MSRA: variants seen among roughly 807,000 people sequenced by gnomAD.
MSRA encodes methionine sulfoxide reductase A, also known as mitochondrial peptide methionine sulfoxide reductase.
Under a neutral mutation model 31.3 loss-of-function variants are expected in MSRA, and 54 were observed. The observed-to-expected ratio is 1.73, with a 90% CI of 1.39 to 2.17. MSRA has a LOEUF of 2.17. Among genes scored for constraint, MSRA ranks in the 30% most tolerant of loss-of-function variants. The probability of loss-of-function intolerance (pLI) is 0.00; values close to 1 mark genes in which losing one functional copy is unlikely to be tolerated. For missense variants in MSRA, 507 were observed against 300.9 expected, an observed-to-expected ratio of 1.69 and a Z score of -5.07; for synonymous variants, 169 against 116.5, an observed-to-expected ratio of 1.45 and a Z score of -2.90.
chr8:10,200,307 CCT>C, intron 1 of MSRA, among the ~76,000 whole-genome samples: 1 of 152,314 alleles, frequency 6.6e-6, no homozygotes, highest in Non-Finnish European at 1.5e-5. Flanking sequence ...GTCCAATTGT[CCT>C]CTGTTTTTCC....
chr8:10,397,961 G>A (rs1182036175), intron 5 of MSRA, among the ~76,000 whole-genome samples: 1 of 152,192 alleles, frequency 6.6e-6, no homozygotes, highest in Non-Finnish European at 1.5e-5. Flanking sequence ...GAAAAGCCTT[G>A]AACTTGGGCT....
intron 3 of MSRA, among the ~76,000 whole-genome samples, chr8:10,290,762 G>C (rs1333685728): frequency 1.3e-5 from 2 of 152,170 alleles, no homozygotes; most frequent in Non-Finnish European, 2.9e-5. Flanking sequence ...GTAGCATCAA[G>C]GAATCATAGT....
At chr8:10,149,412 C>G (rs555565118) in intron 1 of MSRA, among the ~76,000 whole-genome samples, 1 of 152,218 alleles carries the variant, frequency 6.6e-6, no homozygotes, top group Non-Finnish European at 1.5e-5. Flanking sequence ...GCGTGAGCCA[C>G]CGCGCCCGGC....
rs535023320 is a variant in MSRA, at chr8:10,248,773, GC to G, written c.331+3551del. 4.1e-3 allele frequency among the ~76,000 whole-genome samples: 628 copies of G among 152,326 alleles called. 2 individuals are homozygous for G. The highest frequency in any genetic ancestry group is 0.012 in the South Asian group (56 of 4,822). ...TGCCCATCGTGGGCTCACTAATGGGGCTGTTCATGGTGGGCAGTCTCCATTG... is the reference window on the plus strand; with the variant it reads ...TGCCCATCGTGGGCTCACTAATGGGGTGTTCATGGTGGGCAGTCTCCATTG... On this transcript the variant is annotated intron_variant, in intron 3 of 5. Transcript: ENST00000317173.
intron 2 of MSRA, among the ~76,000 whole-genome samples, chr8:10,229,011 GA>G (rs1405780961): frequency 2.0e-5 from 3 of 152,174 alleles, no homozygotes; most frequent in African/African-American, 4.8e-5. Flanking sequence ...AAAAAAAGAC[GA>G]AAAAAGATCT....
rs9644724 is a variant in MSRA, at chr8:10,351,275, G to A, written c.543+31286G>A. The stretch of plus-strand genomic sequence containing the variant: ...TTTTTTTTTTTTTTTTTTTTTTTTA[G>A]ACGGAGTCTCGCTCTGTTGCCGGGC... On this transcript the variant is annotated intron_variant, in intron 5 of 5. Transcript: ENST00000317173. 9.6e-3 allele frequency among the ~76,000 whole-genome samples: 437 copies of A among 45,492 alleles called. 4 individuals carry two copies. Among genetic ancestry groups the A allele is most frequent in the African/African-American group, 0.041 (414 of 10,122 alleles). The allele number at this position is 45,492 out of a possible 152,430, so 29.8% of individuals were successfully genotyped here.
chr8:10,252,855 A>G (rs1797988660), intron 3 of MSRA, among the ~76,000 whole-genome samples: 1 of 152,350 alleles, frequency 6.6e-6, no homozygotes, highest in East Asian at 1.9e-4. Context: ...ACCATCACAT[A>G]GGTCCTTCAT....
At position 10,428,314 on chromosome 8, in the gene MSRA, T is replaced by A; in HGVS notation, c.*2T>A. 1 of 1,612,058 alleles carries A rather than the reference T, an allele frequency of 6.2e-7. No homozygotes were observed. Among genetic ancestry groups the A allele is most frequent in the Non-Finnish European group, 8.5e-7 (1 of 1,179,630 alleles). ...TGCCCAGTGGGTATTAAAAAATAATTTCTCCCCACATGGTGGGCCTTTGAG... is the reference window on the plus strand; with the variant it reads ...TGCCCAGTGGGTATTAAAAAATAATATCTCCCCACATGGTGGGCCTTTGAG... On this transcript the variant is annotated 3_prime_UTR_variant, in exon 6 of 6. Coordinates refer to ENST00000317173, the MANE Select transcript of MSRA (RefSeq NM_012331.5).
At chr8:10,142,716 TGTA>T (rs1228467495) in intron 1 of MSRA, among the ~76,000 whole-genome samples, 4 of 152,210 alleles carry the variant, frequency 2.6e-5, no homozygotes, top group Non-Finnish European at 4.4e-5. Flanking sequence ...GATGCTTAAA[TGTA>T]GTAGATTTTT....
intron 5 of MSRA, among the ~76,000 whole-genome samples, chr8:10,348,201 C>T (rs555720224): frequency 1.8e-3 from 280 of 152,228 alleles, no homozygotes; most frequent in Non-Finnish European, 2.8e-3. Flanking sequence ...TCTGAACCAT[C>T]AGTGTTTACT....
intron 1 of MSRA, among the ~76,000 whole-genome samples, chr8:10,122,552 G>A (rs1451585827): frequency 6.6e-6 from 1 of 151,658 alleles, no homozygotes; most frequent in Non-Finnish European, 1.5e-5. Flanking sequence ...TTAACTTTTA[G>A]GTCAGGGATA....
intron 1 of MSRA, among the ~76,000 whole-genome samples, chr8:10,199,735 A>T (rs551100549): frequency 4.6e-5 from 7 of 152,190 alleles, no homozygotes; most frequent in Non-Finnish European, 8.8e-5. Context: ...ATAATGCTTT[A>T]TTCTATTAAA....
chr8:10,138,598 A>G (rs913423587), intron 1 of MSRA, among the ~76,000 whole-genome samples: 7 of 152,218 alleles, frequency 4.6e-5, no homozygotes, highest in African/African-American at 1.7e-4. Context: ...AATTGCAAGA[A>G]TATTTCCTAT....
At chr8:10,217,958 A>G (rs907410145) in intron 2 of MSRA, among the ~76,000 whole-genome samples, 3 of 152,062 alleles carry the variant, frequency 2.0e-5, no homozygotes, top group Admixed American at 6.5e-5. Context: ...TAAGAAATTA[A>G]ATAATTCAGC....
At chr8:10,131,169 T>A (rs1248024085) in intron 1 of MSRA, among the ~76,000 whole-genome samples, 1 of 152,204 alleles carries the variant, frequency 6.6e-6, no homozygotes, top group Non-Finnish European at 1.5e-5. Context: ...CAAAGGGGAA[T>A]CCTCTGTGGA....
At chr8:10,334,882 C>G (rs1042263071) in intron 5 of MSRA, among the ~76,000 whole-genome samples, 21 of 152,376 alleles carry the variant, frequency 1.4e-4, no homozygotes, top group Non-Finnish European at 1.3e-4. Flanking sequence ...CTCCCGTCTG[C>G]CCCGCTGCCT....
chr8:10,401,825 G>A lies in MSRA; in HGVS notation c.544-26323G>A, dbSNP rs756089357. ...AGTTACAAAAAGACAAATACTGTAT[G>A]ATTCCTCTTATATGAGGACCTAGAG... is the stretch of plus-strand genomic sequence containing the variant. On this transcript the variant is annotated intron_variant, in intron 5 of 5. Coordinates refer to ENST00000317173, the MANE Select transcript of MSRA (RefSeq NM_012331.5). Among the ~76,000 whole-genome samples the A allele has an allele frequency of 1.8e-4, 27 of 152,250 alleles. No homozygotes were observed. The Middle Eastern group carries it at 0.014, about 77-fold the overall frequency.
intron 3 of MSRA, among the ~76,000 whole-genome samples, chr8:10,260,140 C>G (rs1383382972): frequency 6.6e-6 from 1 of 152,136 alleles, no homozygotes; most frequent in African/African-American, 2.4e-5. Flanking sequence ...GAAGAAGTGG[C>G]AAAGAAAGGG....
chr8:10,402,771 A>G (rs751411978), intron 5 of MSRA, among the ~76,000 whole-genome samples: 2 of 152,198 alleles, frequency 1.3e-5, no homozygotes, highest in Admixed American at 6.5e-5. Flanking sequence ...ACTTTTGCAT[A>G]GTATTTGCAG....
Sources: allele counts gnomAD v4.1 joint callset (sites outside exome capture counted in the v4.1 genomes callset), GRCh38; gene constraint gnomAD v4.1.1; transcripts MANE v1.5; gene names NCBI Gene and HGNC (gene_info 2026-07-23, HGNC 2026-07-21).